DOK5: variants seen among roughly 807,000 people sequenced by gnomAD.
The protein encoded by DOK5 is downstream of tyrosine kinase 5.
A neutral mutation model predicts 43.3 loss-of-function variants in DOK5; 27 were observed. The observed-to-expected ratio is 0.62, with a 90% confidence interval of 0.46 to 0.86. DOK5 has a LOEUF of 0.86. Among genes scored for constraint, DOK5 ranks in the 40% least tolerant of loss-of-function variants. DOK5 has a pLI of 0.00. For synonymous variants in DOK5, 146 were observed against 140.1 expected, an observed-to-expected ratio of 1.04 and a Z score of -0.30; for missense variants, 373 against 392.9, an observed-to-expected ratio of 0.95 and a Z score of 0.43.
At chr20:54,485,981 C>T (rs1437932572) in intron 1 of DOK5, among the ~76,000 whole-genome samples, 1 of 152,094 alleles carries the variant, frequency 6.6e-6, no homozygotes, top group African/African-American at 2.4e-5. Flanking sequence ...TATTTTTTAA[C>T]GGTTGAGTTT....
intron 5 of DOK5, 46 bp downstream of exon 5, chr20:54,591,851 G>A: frequency 6.5e-7 from 1 of 1,542,734 alleles, no homozygotes; most frequent in Non-Finnish European, 8.8e-7. Context: ...TTGTGTGTGT[G>A]TGTGTTCATT....
At chr20:54,572,901 T>C (rs1437213527) in intron 2 of DOK5, among the ~76,000 whole-genome samples, 1 of 152,198 alleles carries the variant, frequency 6.6e-6, no homozygotes, top group Admixed American at 6.5e-5. Context: ...GTGTGGATGA[T>C]GCCAATATTC....
chr20:54,635,968 A>T (rs1978806802), intron 6 of DOK5, among the ~76,000 whole-genome samples: 1 of 152,234 alleles, frequency 6.6e-6, no homozygotes, highest in Non-Finnish European at 1.5e-5. Context: ...TGGGAAGTCC[A>T]AGATCAAGGT....
chr20:54,600,325 A>G (rs994111793), intron 5 of DOK5, among the ~76,000 whole-genome samples: 3 of 152,020 alleles, frequency 2.0e-5, no homozygotes, highest in Non-Finnish European at 2.9e-5. Context: ...AGAGTTGGAC[A>G]ACTACAGAGT....
chr20:54,569,956 A>G (rs1308906892), intron 2 of DOK5, among the ~76,000 whole-genome samples: 1 of 152,130 alleles, frequency 6.6e-6, no homozygotes, highest in Non-Finnish European at 1.5e-5. Flanking sequence ...ATTTTAATAA[A>G]AGTGTTTGCT....
At chr20:54,588,018 C>T (rs967743757) in intron 2 of DOK5, among the ~76,000 whole-genome samples, 7 of 152,048 alleles carry the variant, frequency 4.6e-5, no homozygotes, top group African/African-American at 1.7e-4. Context: ...ACTCTTCCTT[C>T]CCTTCCCTTC....
At chr20:54,556,976 AATGAGGAATAC>A (rs1984727478) in intron 2 of DOK5, among the ~76,000 whole-genome samples, 1 of 152,178 alleles carries the variant, frequency 6.6e-6, no homozygotes, top group Non-Finnish European at 1.5e-5. Context: ...AAAGAAGATA[AATGAGGAATAC>A]ATTATAGGAA....
intron 1 of DOK5, among the ~76,000 whole-genome samples, chr20:54,496,355 T>C (rs1195971562): frequency 2.0e-5 from 3 of 152,084 alleles, no homozygotes; most frequent in Non-Finnish European, 4.4e-5. Flanking sequence ...AATATAAGGG[T>C]TATTAAAAAT....
intron 1 of DOK5, among the ~76,000 whole-genome samples, chr20:54,511,297 T>C (rs1013915803): frequency 2.0e-5 from 3 of 152,182 alleles, no homozygotes; most frequent in African/African-American, 2.4e-5. Context: ...GCCTGATACA[T>C]AGTAGGTGCT....
At chr20:54,616,980 C>T (rs1480565502) in intron 6 of DOK5, among the ~76,000 whole-genome samples, 12 of 151,808 alleles carry the variant, frequency 7.9e-5, no homozygotes, top group African/African-American at 2.4e-5. Context: ...TTAGTGGAGA[C>T]GGGGTTTCAC....
intron 1 of DOK5, among the ~76,000 whole-genome samples, chr20:54,539,279 CAAA>C (rs57981823): frequency 4.5e-5 from 2 of 44,746 alleles, no homozygotes; most frequent in Non-Finnish European, 1.0e-4. Flanking sequence ...GCTCCATCTC[CAAA>C]AAAAAAAAAA....
rs976998712 is a variant in DOK5, at chr20:54,503,090, A to C, written c.66+27078A>C. Among the ~76,000 whole-genome samples the C allele has an allele frequency of 4.6e-5, 7 of 152,304 alleles. 1 individual carries two copies. On this transcript the variant is annotated intron_variant, in intron 1 of 7. Transcript: ENST00000262593. Reference sequence around the variant, plus strand: ...TTTGTATATATGTGCTTGTGTTTGCACAAGGAAATAATGCATTTAGTTGTA... The same window carrying C: ...TTTGTATATATGTGCTTGTGTTTGCCCAAGGAAATAATGCATTTAGTTGTA...
At chr20:54,627,502 C>G (rs375465120) in intron 6 of DOK5, among the ~76,000 whole-genome samples, 1 of 152,290 alleles carries the variant, frequency 6.6e-6, no homozygotes, top group African/African-American at 2.4e-5. Flanking sequence ...GGACGGGAAC[C>G]AAAAGCCCTG....
At chr20:54,607,757 C>A (rs1300089235) in intron 5 of DOK5, among the ~76,000 whole-genome samples, 1 of 152,050 alleles carries the variant, frequency 6.6e-6, no homozygotes, top group African/African-American at 2.4e-5. Flanking sequence ...GTGGCACATG[C>A]CTGTAGTCCC....
At chr20:54,515,978 T>C (rs6091909) in intron 1 of DOK5, among the ~76,000 whole-genome samples, 11,038 of 152,260 alleles carry the variant, frequency 0.072, 989 homozygotes, top group African/African-American at 0.21. Flanking sequence ...CATCTCTTTC[T>C]GGCTCTGGTT....
At chr20:54,567,979 C>A (rs1314558958) in intron 2 of DOK5, among the ~76,000 whole-genome samples, 1 of 151,974 alleles carries the variant, frequency 6.6e-6, no homozygotes, top group Non-Finnish European at 1.5e-5. Flanking sequence ...TTGTATAAGC[C>A]AGTCATTTTT....
At chr20:54,639,650 T>A (rs1214357662) in intron 6 of DOK5, among the ~76,000 whole-genome samples, 3 of 152,170 alleles carry the variant, frequency 2.0e-5, no homozygotes, top group Non-Finnish European at 1.5e-5. Context: ...AAAAATATAT[T>A]TTTTAAGTAG....
chr20:54,637,069 C>T (rs1223192217), intron 6 of DOK5, among the ~76,000 whole-genome samples: 1 of 152,180 alleles, frequency 6.6e-6, no homozygotes, highest in Non-Finnish European at 1.5e-5. Flanking sequence ...TATACAGTTT[C>T]ATCACAGGTC....
chr20:54,629,417 A>G (rs1406511735), intron 6 of DOK5, among the ~76,000 whole-genome samples: 2 of 152,228 alleles, frequency 1.3e-5, no homozygotes, highest in Non-Finnish European at 2.9e-5. Context: ...AAACAGTGCA[A>G]AAGAACATAC....
Sources: allele counts gnomAD v4.1 joint callset (sites outside exome capture counted in the v4.1 genomes callset), GRCh38; gene constraint gnomAD v4.1.1; transcripts MANE v1.5; gene names NCBI Gene and HGNC (gene_info 2026-07-23, HGNC 2026-07-21).